The following NDRG4 variants were observed in gnomAD, a reference collection of about 807,000 sequenced individuals.
The protein encoded by NDRG4 is NDRG family member 4.
NDRG4 carries 38 observed loss-of-function variants against 55.8 expected under a neutral mutation model. The ratio of observed to expected loss-of-function variants is 0.68; its 90% confidence interval spans 0.53 to 0.89. The LOEUF is 0.89. Ranked by LOEUF, NDRG4 falls within the 40% of genes least tolerant of loss-of-function variation. The pLI is 0.00. For synonymous variants in NDRG4, 190 were observed against 182.7 expected (o/e 1.04, Z -0.32); for missense variants, 455 against 468.6 (o/e 0.97, Z 0.27).
intron 1 of NDRG4, among the ~76,000 whole-genome samples, chr16:58,481,912 A>C (rs1353934408): frequency 6.6e-6 from 1 of 152,168 alleles, no homozygotes. Flanking sequence ...TATATAGTGC[A>C]GTTGGAAGGT....
At chr16:58,492,489 C>CGTGTGTGTGTGTGT (rs58901035) in intron 2 of NDRG4, among the ~76,000 whole-genome samples, 1 of 123,942 alleles carries the variant, frequency 8.1e-6, no homozygotes, top group South Asian at 2.8e-4. Context: ...TCTGCTCCAC[C>CGTGTGTGTGTGTGT]GTGTGTGTGT....
chr16:58,508,200 C>A (rs555811233), intron 10 of NDRG4, among the ~76,000 whole-genome samples: 2 of 152,300 alleles, frequency 1.3e-5, no homozygotes, highest in Non-Finnish European at 2.9e-5. Context: ...GCTGGGGAGG[C>A]CTGGAAATGG....
rs948893147 is a variant in NDRG4, at chr16:58,510,667, G to A, written c.888G>A (p.Arg296=). 4 of 1,536,040 alleles carry A rather than the reference G, an allele frequency of 2.6e-6. No homozygotes were observed. The highest frequency in any genetic ancestry group is 3.5e-6 in the Non-Finnish European group (4 of 1,146,912). The change falls in exon 14 of 15, where the codon AGG becomes AGA. Residue 296 remains arginine, a synonymous_variant. Transcript: ENST00000570248. ...MGYIAYLKDR[R]LSGGAVPSAS... ...TAGTTGCGTACTTGAAGGACCGAAGGCTGAGTGGAGGAGCAGGTAGCCCCA... is the reference window on the plus strand; with the variant it reads ...TAGTTGCGTACTTGAAGGACCGAAGACTGAGTGGAGGAGCAGGTAGCCCCA...
At position 58,464,797 on chromosome 16, in the gene NDRG4, GAA is replaced by G. The variant is rs2031253692; in HGVS notation, c.-24+1002_-24+1003del. 7.8e-7 allele frequency: 1 copy of G among 1,276,088 alleles called. No individual in the cohort carries two copies. Among genetic ancestry groups the G allele is most frequent in the Non-Finnish European group, 9.9e-7 (1 of 1,010,556 alleles). 79.0% of individuals were successfully genotyped at this position (1,276,088 alleles called of 1,614,324 possible). On this transcript the variant is annotated intron_variant, in intron 1 of 15. Coordinates refer to the NDRG4 transcript ENST00000258187. The surrounding 1 kb of genome is among the most constrained non-coding windows in gnomAD (Gnocchi z 4.8). ...CCAATCAGTGTCGCTTGTCCCCTAAGAAAGGACCCGTGGGCTTCTGGCAGGAC... is the reference window on the plus strand; with the variant it reads ...CCAATCAGTGTCGCTTGTCCCCTAAGAGGACCCGTGGGCTTCTGGCAGGAC...
intron 2 of NDRG4, 84 bp downstream of exon 2, chr16:58,503,987 C>T: frequency 6.4e-7 from 1 of 1,553,116 alleles, no homozygotes; most frequent in Non-Finnish European, 8.8e-7. Flanking sequence ...CCACAGGGCC[C>T]TGTCAGCCCC....
intron 1 of NDRG4, chr16:58,475,654 T>C: frequency 2.2e-6 from 1 of 456,058 alleles, no homozygotes; most frequent in Non-Finnish European, 4.4e-6. Flanking sequence ...TTCATGATTC[T>C]CAGGTACCTT....
intron 2 of NDRG4, 41 bp downstream of exon 2, chr16:58,503,944 C>T (rs773896195): frequency 6.2e-7 from 1 of 1,605,596 alleles, no homozygotes; most frequent in Non-Finnish European, 8.5e-7. Flanking sequence ...CTCTGCCTCC[C>T]ATCAGCCAGA....
chr16:58,500,595 G>A, intron 1 of NDRG4: 1 of 532,710 alleles, frequency 1.9e-6, no homozygotes, highest in South Asian at 2.3e-5. Flanking sequence ...TGTGGACCCG[G>A]GCGCTAGTGC....
chr16:58,507,352 T>C, intron 8 of NDRG4: 1 of 392,184 alleles, frequency 2.5e-6, no homozygotes, highest in Non-Finnish European at 4.7e-6. Context: ...CGGATGAGCC[T>C]GTGGTTTTCA....
chr16:58,485,859 C>A (rs2035028093), intron 1 of NDRG4, among the ~76,000 whole-genome samples: 1 of 152,114 alleles, frequency 6.6e-6, no homozygotes, highest in South Asian at 2.1e-4. Context: ...ATCTTGTACC[C>A]TATTGATGGA....
At chr16:58,498,809 G>T (rs1193300767), upstream of NDRG4, among the ~76,000 whole-genome samples, 1 of 152,150 alleles carries the variant, frequency 6.6e-6, no homozygotes, top group Non-Finnish European at 1.5e-5. Flanking sequence ...AGTTATCGTG[G>T]CCAGACAAGG....
At chr16:58,501,787 A>G in intron 1 of NDRG4, 1 of 347,544 alleles carries the variant, frequency 2.9e-6, no homozygotes, top group Admixed American at 3.6e-5. Flanking sequence ...GGGCGGCCAC[A>G]CCAGGGCTGG....
chr16:58,477,522 G>C (rs1011454376), intron 1 of NDRG4, among the ~76,000 whole-genome samples: 1 of 152,134 alleles, frequency 6.6e-6, no homozygotes, highest in African/African-American at 2.4e-5. Context: ...GATAGCAATG[G>C]CTTTTAACCC....
At position 58,506,422 on chromosome 16, in the gene NDRG4, G is replaced by A. The variant is rs2151823768; in HGVS notation, c.408G>A (p.Leu136=). ...IFPDLVEGLV[L]VNIDPNGKGW... is the part of the protein sequence containing the mutation. ...CCGACCTGGTGGAGGGGCTGGTGCTGGTGAACATCGACCCCAATGGCAAAG... is the reference window on the plus strand; with the variant it reads ...CCGACCTGGTGGAGGGGCTGGTGCTAGTGAACATCGACCCCAATGGCAAAG... Residue 136 remains leucine, a synonymous_variant, in exon 6 of 15, where the codon CTG becomes CTA. Transcript: ENST00000570248. The A allele has an allele frequency of 6.2e-7, 1 of 1,613,754 alleles. No individual in the cohort carries two copies. The highest frequency in any genetic ancestry group is 8.5e-7 in the Non-Finnish European group (1 of 1,179,940).
At chr16:58,505,432 AAC>A (rs371385470) in intron 5 of NDRG4, among the ~76,000 whole-genome samples, 3,298 of 147,070 alleles carry the variant, frequency 0.022, 80 homozygotes, top group African/African-American at 0.059. Flanking sequence ...AAAAAAAAAA[AAC>A]AAAAACCCAA....
rs543264532 is a variant in NDRG4, at chr16:58,500,242, C to T, written c.-7C>T. The T allele has an allele frequency of 2.7e-4, 411 of 1,535,904 alleles. No homozygotes were observed. The highest frequency in any genetic ancestry group is 6.4e-5 in the Non-Finnish European group (73 of 1,146,856). ...CCTGGTAGAGGCGGGTTCCCTCCCTCGGCAAGATGCCGGAGTGCTGGGATG... is the reference window on the plus strand; with the variant it reads ...CCTGGTAGAGGCGGGTTCCCTCCCTTGGCAAGATGCCGGAGTGCTGGGATG... On this transcript the variant is annotated 5_prime_UTR_variant, in exon 1 of 15. Transcript: ENST00000570248.
rs1449793663 is a variant in NDRG4, at chr16:58,507,942, C to G, written c.678-6C>G. On this transcript the variant is annotated splice_polypyrimidine_tract_variant and splice_region_variant and intron_variant, in intron 9 of 14. Transcript: ENST00000570248. ...GCCAGACAGCCCTTTTCCTCTGTAT[C>G]TGCAGCTGCCCCGTGATGCTGGTGG... is the stretch of plus-strand genomic sequence containing the variant. The G allele has an allele frequency of 6.2e-7, 1 of 1,609,590 alleles. No homozygotes were observed. The highest frequency in any genetic ancestry group is 8.5e-7 in the Non-Finnish European group (1 of 1,176,650).
At chr16:58,481,655 C>T (rs1278354309) in intron 1 of NDRG4, among the ~76,000 whole-genome samples, 4 of 152,204 alleles carry the variant, frequency 2.6e-5, no homozygotes, top group Middle Eastern at 3.4e-3. Context: ...CCCGGGGAGG[C>T]GGAATGCATG....
intron 5 of NDRG4, among the ~76,000 whole-genome samples, chr16:58,505,242 G>T (rs926486758): frequency 6.6e-6 from 1 of 151,618 alleles, no homozygotes; most frequent in Non-Finnish European, 1.5e-5. Flanking sequence ...CCAGCTACTC[G>T]GGAGGCTGAG....
Sources: allele counts gnomAD v4.1 joint callset (sites outside exome capture counted in the v4.1 genomes callset), GRCh38; gene constraint gnomAD v4.1.1; non-coding constraint Gnocchi (gnomAD v3.1); transcripts MANE v1.5; gene names NCBI Gene and HGNC (gene_info 2026-07-23, HGNC 2026-07-21).